DRC4: variants seen among roughly 807,000 people sequenced by gnomAD.
DRC4 encodes the protein dynein regulatory complex subunit 4.
the DRC4 span, chr16:90,037,187 G>T: frequency 6.5e-7 from 1 of 1,544,020 alleles, no homozygotes; most frequent in Non-Finnish European, 8.7e-7. Context: ...AGCCCCTTTG[G>T]TTCTGCCTGC....
the DRC4 span, chr16:90,040,598 C>A: frequency 1.6e-6 from 2 of 1,226,956 alleles, no homozygotes; most frequent in African/African-American, 1.9e-5. Context: ...CGGATAGGCA[C>A]AGAGACCCCT....
the DRC4 span, chr16:90,040,057 G>A: frequency 3.6e-6 from 2 of 554,366 alleles, no homozygotes; most frequent in Non-Finnish European, 6.5e-6. Context: ...GGCTTCCAGA[G>A]ACACCTTCCT....
At chr16:90,024,575 C>T in the DRC4 span, among the ~76,000 whole-genome samples, 1 of 152,158 alleles carries the variant, frequency 6.6e-6, no homozygotes. Context: ...AGGGTCTTCA[C>T]AATGCCTGGG....
the DRC4 span, among the ~76,000 whole-genome samples, chr16:90,033,707 T>A: frequency 6.6e-6 from 1 of 151,992 alleles, no homozygotes; most frequent in Admixed American, 6.6e-5. Flanking sequence ...AGCTGCTAGG[T>A]CCTGATCTGA....
chr16:90,027,956 G>A, the DRC4 span: 360 of 525,890 alleles, frequency 6.8e-4, no homozygotes, highest in Non-Finnish European at 1.1e-3. Flanking sequence ...GTAGGAGTGT[G>A]GAAGGACATG....
the DRC4 span, among the ~76,000 whole-genome samples, chr16:90,023,495 C>A: frequency 6.6e-6 from 1 of 152,218 alleles, no homozygotes; most frequent in African/African-American, 2.4e-5. Flanking sequence ...GGAGCCCCAC[C>A]AAGTCCCTGC....
chr16:90,036,017 G>T, the DRC4 span: 3 of 973,040 alleles, frequency 3.1e-6, no homozygotes, highest in South Asian at 2.0e-5. Context: ...GTCTGAGAAG[G>T]CTCCAATTTC....
chr16:90,037,827 G>A, the DRC4 span: 2 of 1,614,146 alleles, frequency 1.2e-6, no homozygotes, highest in South Asian at 1.1e-5. Flanking sequence ...AGCATGAAGT[G>A]TTAGAGCAGC....
chr16:90,043,756 C>T, the DRC4 span: 3 of 474,312 alleles, frequency 6.3e-6, no homozygotes, highest in African/African-American at 6.0e-5. Context: ...ACACCTGAGT[C>T]ACAGCTGCCC....
the DRC4 span, chr16:90,043,278 T>A: frequency 6.2e-7 from 1 of 1,613,486 alleles, no homozygotes; most frequent in African/African-American, 1.3e-5. Context: ...TTCAAGCCCT[T>A]GGAAACAGCT....
chr16:90,043,239 C>A, the DRC4 span: 1 of 1,613,676 alleles, frequency 6.2e-7, no homozygotes, highest in Non-Finnish European at 8.5e-7. Flanking sequence ...AAGCTGCTGG[C>A]CTTCGGGATC....
chr16:90,042,850 C>T, the DRC4 span: 12 of 504,164 alleles, frequency 2.4e-5, no homozygotes, highest in African/African-American at 7.7e-5. Flanking sequence ...AGGAAACAGA[C>T]GTCATTCAAC....
At chr16:90,033,511 G>C in the DRC4 span, among the ~76,000 whole-genome samples, 1 of 152,310 alleles carries the variant, frequency 6.6e-6, no homozygotes, top group South Asian at 2.1e-4. Flanking sequence ...AAATTTAAAA[G>C]AAAACATTAG....
the DRC4 span, among the ~76,000 whole-genome samples, chr16:90,038,250 G>T: frequency 6.6e-6 from 1 of 152,142 alleles, no homozygotes; most frequent in Non-Finnish European, 1.5e-5. Context: ...CTCAGTGCTG[G>T]TCCTCACACT....
the DRC4 span, chr16:90,044,894 A>G: frequency 1.8e-5 from 4 of 219,456 alleles, no homozygotes; most frequent in South Asian, 2.4e-4. Context: ...GCTGGCATAT[A>G]TTTTTCCAGA....
chr16:90,029,659 G>T, the DRC4 span: 10 of 218,162 alleles, frequency 4.6e-5, no homozygotes, highest in South Asian at 7.0e-4. Context: ...TTGTTTGCTC[G>T]TTGTCTTGTC....
At chr16:90,037,021 A>G in the DRC4 span, 13 of 597,136 alleles carry the variant, frequency 2.2e-5, no homozygotes, top group Non-Finnish European at 3.6e-5. Flanking sequence ...ATAGTCCTTC[A>G]GTCTGCATGG....
At chr16:90,024,703 T>C in the DRC4 span, among the ~76,000 whole-genome samples, 1 of 152,120 alleles carries the variant, frequency 6.6e-6, no homozygotes, top group East Asian at 1.9e-4. Flanking sequence ...ACTGAGTTTC[T>C]GCTTACACAC....
At chr16:90,019,901 GC>G in the DRC4 span, 3 of 679,152 alleles carry the variant, frequency 4.4e-6, no homozygotes, top group Non-Finnish European at 8.1e-6. The surrounding 1 kb of genome is among the most constrained non-coding windows in gnomAD (Gnocchi z 6.1). Flanking sequence ...AACGCGGGGG[GC>G]GGGTGGGGGC....
Sources: gnomAD v4.1 joint callset for allele counts (sites outside exome capture counted in the v4.1 genomes callset) on GRCh38, gnomAD v4.1.1 for gene constraint, Gnocchi (gnomAD v3.1) non-coding constraint, MANE v1.5 for transcripts, NCBI Gene and HGNC (gene_info 2026-07-23, HGNC 2026-07-21) for gene names.